ARFIP1: variants seen among roughly 807,000 people sequenced by gnomAD.
ARFIP1 encodes ARF interacting protein 1, also known as arfaptin-1.
A neutral mutation model predicts 42.5 loss-of-function variants in ARFIP1; 24 were observed. The observed-to-expected ratio is 0.57, with a 90% CI of 0.41 to 0.80. The LOEUF is 0.80. Ranked by LOEUF, ARFIP1 falls within the 30% of genes least tolerant of loss-of-function variation. ARFIP1 has a pLI of 0.00. For synonymous variants in ARFIP1, 141 were observed against 153.7 expected, an observed-to-expected ratio of 0.92 and a Z score of 0.61; for missense variants, 354 against 434.0, an observed-to-expected ratio of 0.82 and a Z score of 1.64.
intron 8 of ARFIP1, among the ~76,000 whole-genome samples, chr4:152,898,127 C>T (rs1020460489): frequency 6.6e-6 from 1 of 151,582 alleles, no homozygotes; most frequent in Non-Finnish European, 1.5e-5. Flanking sequence ...GGATTACAGG[C>T]GCCCACCACA....
At chr4:152,813,473 A>G (rs1729631445) in intron 1 of ARFIP1, among the ~76,000 whole-genome samples, 1 of 151,718 alleles carries the variant, frequency 6.6e-6, no homozygotes. Context: ...TTCATTTATT[A>G]TTTGATAATC....
At chr4:152,854,689 T>C (rs1475104011) in intron 2 of ARFIP1, among the ~76,000 whole-genome samples, 7 of 152,246 alleles carry the variant, frequency 4.6e-5, no homozygotes, top group Non-Finnish European at 8.8e-5. Context: ...GTGCAAGCAG[T>C]AGTGTACTCT....
chr4:152,877,001 A>G (rs567001413), intron 5 of ARFIP1, among the ~76,000 whole-genome samples: 49 of 152,178 alleles, frequency 3.2e-4, no homozygotes, highest in Non-Finnish European at 5.7e-4. Flanking sequence ...GTGCCCAGGC[A>G]GAAGTTTGCT....
At position 152,882,830 on chromosome 4, in the gene ARFIP1, T is replaced by C. The variant is rs1735953564; in HGVS notation, c.741T>C (p.Asn247=). The C allele has an allele frequency of 6.8e-6, 11 of 1,611,180 alleles. No individual in the cohort carries two copies. Among genetic ancestry groups the C allele is most frequent in the African/African-American group, 1.3e-5 (1 of 74,690 alleles). Residue 247 remains asparagine, a synonymous_variant, in exon 7 of 9, where the codon AAT becomes AAC. Coordinates refer to ENST00000353617, the MANE Select transcript of ARFIP1 (RefSeq NM_001025595.3). ...TTGCTAGTGTGAACACTTTGGTGAA[T>C]AAAACCATTGAAGATACATTAATGA... is the stretch of plus-strand genomic sequence containing the variant. ...FFIASVNTLV[N]KTIEDTLMTV...
At chr4:152,802,113 A>G (rs974008909) in intron 1 of ARFIP1, among the ~76,000 whole-genome samples, 5 of 147,750 alleles carry the variant, frequency 3.4e-5, no homozygotes, top group Admixed American at 3.3e-4. Context: ...AATTCCAAAA[A>G]CTATTTGAAT....
At position 152,862,587 on chromosome 4, in the gene ARFIP1, C is replaced by G. The variant is rs144170816; in HGVS notation, c.94-1019C>G. Among the ~76,000 whole-genome samples, 19 of 152,128 alleles carry G rather than the reference C, an allele frequency of 1.2e-4. No homozygotes were observed. The East Asian group carries it at 3.1e-3, about 25-fold the overall frequency. On this transcript the variant is annotated intron_variant, in intron 2 of 8. Coordinates refer to ENST00000353617, the MANE Select transcript of ARFIP1 (RefSeq NM_001025595.3). ...AACAGTAGTTATATATATTTATGATCTAAAATCTGCTATCTTAAACTACGA... is the reference window on the plus strand; with the variant it reads ...AACAGTAGTTATATATATTTATGATGTAAAATCTGCTATCTTAAACTACGA...
chr4:152,901,938 T>C (rs1737871719), intron 8 of ARFIP1, among the ~76,000 whole-genome samples: 1 of 152,242 alleles, frequency 6.6e-6, no homozygotes, highest in Admixed American at 6.5e-5. Context: ...GTTAAAGTGC[T>C]GTGTGTCTTT....
chr4:152,889,864 A>G (rs1290455899), intron 8 of ARFIP1, among the ~76,000 whole-genome samples: 3 of 128,976 alleles, frequency 2.3e-5, no homozygotes, highest in African/African-American at 8.9e-5. Flanking sequence ...TACTATATAT[A>G]CTATATATAT....
chr4:152,806,757 G>T (rs1729020115), intron 1 of ARFIP1, among the ~76,000 whole-genome samples: 1 of 150,824 alleles, frequency 6.6e-6, no homozygotes, highest in African/African-American at 2.4e-5. Flanking sequence ...CTAGAATTCT[G>T]TACAACTGGA....
chr4:152,842,831 T>C (rs1732204401), intron 2 of ARFIP1, among the ~76,000 whole-genome samples: 1 of 152,170 alleles, frequency 6.6e-6, no homozygotes, highest in Non-Finnish European at 1.5e-5. Context: ...TTATGTCTTT[T>C]TTTTTGGATT....
intron 2 of ARFIP1, among the ~76,000 whole-genome samples, chr4:152,838,614 T>G (rs964887566): frequency 1.6e-4 from 25 of 152,200 alleles, no homozygotes; most frequent in Admixed American, 9.8e-4. Flanking sequence ...AGCTACTGAT[T>G]TGCCTAGATT....
chr4:152,824,083 C>G (rs189749530), intron 1 of ARFIP1, among the ~76,000 whole-genome samples: 1 of 151,980 alleles, frequency 6.6e-6, no homozygotes. Context: ...GAGGCCAAGG[C>G]GGGTGGATCA....
chr4:152,839,762 G>T (rs921258741), intron 2 of ARFIP1, among the ~76,000 whole-genome samples: 4 of 151,502 alleles, frequency 2.6e-5, no homozygotes, highest in African/African-American at 4.9e-5. Flanking sequence ...GTATTTTTTT[G>T]TTGTTGTTTG....
At chr4:152,876,074 G>T (rs1488459545) in intron 5 of ARFIP1, among the ~76,000 whole-genome samples, 1 of 152,118 alleles carries the variant, frequency 6.6e-6, no homozygotes, top group Non-Finnish European at 1.5e-5. Flanking sequence ...CCAGTCTCGG[G>T]TCTGTCTTTA....
chr4:152,837,879 A>G (rs1195800548), intron 2 of ARFIP1, among the ~76,000 whole-genome samples: 4 of 152,124 alleles, frequency 2.6e-5, no homozygotes, highest in East Asian at 1.9e-4. Context: ...GGTTTTTCCA[A>G]TGTTATCTTC....
At chr4:152,883,469 C>T (rs575243502) in intron 7 of ARFIP1, among the ~76,000 whole-genome samples, 12 of 152,200 alleles carry the variant, frequency 7.9e-5, no homozygotes, top group African/African-American at 2.6e-4. Flanking sequence ...GGATATCAGT[C>T]ATCTTCCATT....
In ARFIP1 at chr4:152,889,989, T is replaced by C. The variant is rs1021137787; in HGVS notation, c.966+1682T>C. Among the ~76,000 whole-genome samples, 3 of 147,994 alleles carry C rather than the reference T, an allele frequency of 2.0e-5. No individual in the cohort carries two copies. The Admixed American group carries it at 2.1e-4, about 10-fold the overall frequency. ...TATTTTAGTCATATATATTTAGTCATATATATAATGGATGTGAATATATCA... is the reference window on the plus strand; with the variant it reads ...TATTTTAGTCATATATATTTAGTCACATATATAATGGATGTGAATATATCA... On this transcript the variant is annotated intron_variant, in intron 8 of 8. Transcript: ENST00000353617.
intron 2 of ARFIP1, among the ~76,000 whole-genome samples, chr4:152,832,615 G>A (rs1331872259): frequency 6.6e-6 from 1 of 152,136 alleles, no homozygotes; most frequent in African/African-American, 2.4e-5. Context: ...GTTTCCTTCT[G>A]TAGTAATTTT....
chr4:152,832,354 T>C (rs1731319482), intron 2 of ARFIP1, among the ~76,000 whole-genome samples: 1 of 152,266 alleles, frequency 6.6e-6, no homozygotes, highest in East Asian at 1.9e-4. Flanking sequence ...CATTTTCATA[T>C]TCTTATTGAC....
Sources: gnomAD v4.1 joint callset for allele counts (sites outside exome capture counted in the v4.1 genomes callset) on GRCh38, gnomAD v4.1.1 for gene constraint, MANE v1.5 for transcripts, NCBI Gene and HGNC (gene_info 2026-07-23, HGNC 2026-07-21) for gene names.